Variants in HDAC9 observed in about 807,000 individuals in gnomAD.
HDAC9 encodes MEF-2 interacting transcription repressor (MITR) protein.
HDAC9 carries 41 observed loss-of-function variants against 139.4 expected under a neutral mutation model. That is an observed-to-expected ratio of 0.29 (90% confidence interval 0.23 to 0.38). The LOEUF is 0.38. HDAC9 is among the 10% of genes least tolerant of loss of function. HDAC9 has a pLI of 1.00. For synonymous variants in HDAC9, 517 were observed against 476.2 expected, an observed-to-expected ratio of 1.09 and a Z score of -1.12; for missense variants, 1,147 against 1,297.0, an observed-to-expected ratio of 0.88 and a Z score of 1.78.
At chr7:18,983,600 G>A (rs934943229) in intron 25 of HDAC9, among the ~76,000 whole-genome samples, 1 of 152,092 alleles carries the variant, frequency 6.6e-6, no homozygotes, top group East Asian at 1.9e-4. Flanking sequence ...AGATAGCTAA[G>A]ATAGCTAAAA....
At chr7:18,605,744 G>C (rs1178710228) in intron 6 of HDAC9, among the ~76,000 whole-genome samples, 1 of 151,978 alleles carries the variant, frequency 6.6e-6, no homozygotes, top group African/African-American at 2.4e-5. Flanking sequence ...GCAGTGGCAT[G>C]ATCTCGGCTC....
chr7:18,356,420 A>G (rs1783308804), intron 1 of HDAC9, among the ~76,000 whole-genome samples: 1 of 140,312 alleles, frequency 7.1e-6, no homozygotes, highest in African/African-American at 2.7e-5. Flanking sequence ...AAGCATCAAG[A>G]ATGCCCAGTT....
chr7:18,479,984 C>G (rs944891287), intron 1 of HDAC9, among the ~76,000 whole-genome samples: 6 of 116,172 alleles, frequency 5.2e-5, no homozygotes, highest in Admixed American at 8.6e-5. Context: ...TCCACTCTGT[C>G]TTTTTTTTTT....
rs190738355 is a variant in HDAC9 at position 18,556,488 on chromosome 7, C to T, written c.23-28793C>T. ...ATTGGAAGACAGTTAAATTCTTTTACGATAGCAGTATCCTATGTGATCAAA... is the reference window on the plus strand; with the variant it reads ...ATTGGAAGACAGTTAAATTCTTTTATGATAGCAGTATCCTATGTGATCAAA... On this transcript the variant is annotated intron_variant, in intron 2 of 25. Transcript: ENST00000686413. Among the ~76,000 whole-genome samples the T allele has an allele frequency of 1.4e-4, 21 of 152,116 alleles. No homozygotes were observed. In the South Asian group the frequency reaches 3.7e-3, roughly 27 times the overall value.
intron 1 of HDAC9, among the ~76,000 whole-genome samples, chr7:18,476,498 C>G (rs1795121454): frequency 6.6e-6 from 1 of 151,528 alleles, no homozygotes; most frequent in Non-Finnish European, 1.5e-5. Flanking sequence ...AGATCTGCCT[C>G]TAGGGGACTT....
At chr7:18,815,888 G>A (rs1011748064) in intron 17 of HDAC9, among the ~76,000 whole-genome samples, 2 of 152,192 alleles carry the variant, frequency 1.3e-5, no homozygotes, top group African/African-American at 2.4e-5. Context: ...GCATGTGAGA[G>A]ACAAATTTTC....
At chr7:18,935,725 T>C in intron 22 of HDAC9, 84 bp from the exon 23 acceptor site, 7 of 1,293,196 alleles carry the variant, frequency 5.4e-6, no homozygotes, top group South Asian at 1.3e-5. Flanking sequence ...AATGACTTAC[T>C]CAAAATACAT....
intron 17 of HDAC9, among the ~76,000 whole-genome samples, chr7:18,816,300 T>C (rs1161439224): frequency 6.6e-6 from 1 of 152,242 alleles, no homozygotes; most frequent in Non-Finnish European, 1.5e-5. Context: ...AACTTTCATA[T>C]TATTGTTGCC....
intron 1 of HDAC9, among the ~76,000 whole-genome samples, chr7:18,411,398 G>A (rs924684714): frequency 6.6e-6 from 1 of 151,882 alleles, no homozygotes; most frequent in Non-Finnish European, 1.5e-5. Flanking sequence ...TTTTTGAGAT[G>A]GAGTCTTGCT....
At chr7:18,452,002 C>T (rs1792915010) in intron 1 of HDAC9, among the ~76,000 whole-genome samples, 1 of 152,116 alleles carries the variant, frequency 6.6e-6, no homozygotes, top group South Asian at 2.1e-4. Flanking sequence ...GAACCTAAAA[C>T]AGATACTTCA....
intron 2 of HDAC9, among the ~76,000 whole-genome samples, chr7:18,250,245 A>G (rs1193219484): frequency 1.3e-5 from 2 of 152,382 alleles, no homozygotes; most frequent in African/African-American, 4.8e-5. Flanking sequence ...TAGAGGCAAC[A>G]TCTAAAACAA....
At chr7:18,171,847 C>T (rs893069407) in intron 2 of HDAC9, among the ~76,000 whole-genome samples, 3 of 152,140 alleles carry the variant, frequency 2.0e-5, no homozygotes, top group South Asian at 2.1e-4. Flanking sequence ...ATTTGGTTTG[C>T]CAGTATTTTG....
intron 12 of HDAC9, among the ~76,000 whole-genome samples, chr7:18,687,402 G>A (rs1782351141): frequency 6.6e-6 from 1 of 151,782 alleles, no homozygotes; most frequent in Admixed American, 6.6e-5. Flanking sequence ...ATTCAAAGGT[G>A]TATGATATAA....
In HDAC9 at chr7:18,727,717, C is replaced by T. The variant is rs1785667584; in HGVS notation, c.1869C>T (p.His623=). Residue 623 remains histidine, a synonymous_variant, in exon 13 of 26, where the codon CAC becomes CAT. Coordinates refer to ENST00000686413, the MANE Select transcript of HDAC9 (RefSeq NM_178425.4). ...CCCCTGCTGCCTCTGTTTTACCTCA[C>T]CCAGCAATGGACCGCCCCCTCCAGC... ...HSSPAASVLP[H]PAMDRPLQPG... is the part of the protein sequence containing the mutation. The T allele has an allele frequency of 6.4e-7, 1 of 1,574,730 alleles. No homozygotes were observed. The highest frequency in any genetic ancestry group is 8.6e-7 in the Non-Finnish European group (1 of 1,165,740).
intron 1 of HDAC9, among the ~76,000 whole-genome samples, chr7:18,379,249 T>G (rs1473217190): frequency 1.3e-5 from 2 of 152,220 alleles, no homozygotes; most frequent in Non-Finnish European, 2.9e-5. Flanking sequence ...AAGTATAGAT[T>G]AAAATCGTAA....
At chr7:18,811,266 C>G (rs1273448874) in intron 17 of HDAC9, among the ~76,000 whole-genome samples, 1 of 151,190 alleles carries the variant, frequency 6.6e-6, no homozygotes, top group Non-Finnish European at 1.5e-5. Flanking sequence ...ATTATTATTT[C>G]TCTTTTTTCT....
chr7:18,436,593 CTT>C (rs1419497924), intron 1 of HDAC9, among the ~76,000 whole-genome samples: 1 of 152,198 alleles, frequency 6.6e-6, no homozygotes, highest in African/African-American at 2.4e-5. Context: ...AATTTAACGT[CTT>C]TGCACGGGAA....
intron 15 of HDAC9, among the ~76,000 whole-genome samples, chr7:18,766,500 T>C (rs931264893): frequency 7.9e-5 from 12 of 152,228 alleles, no homozygotes; most frequent in African/African-American, 2.7e-4. Flanking sequence ...TTATTTTTCA[T>C]AGTGTACTGT....
intron 21 of HDAC9, among the ~76,000 whole-genome samples, chr7:18,861,936 T>C (rs1798140415): frequency 1.3e-5 from 2 of 152,230 alleles, no homozygotes; most frequent in Admixed American, 6.5e-5. Context: ...AGCTTCCTTA[T>C]TCTCATCAAT....
Sources: allele counts gnomAD v4.1 joint callset (sites outside exome capture counted in the v4.1 genomes callset), GRCh38; gene constraint gnomAD v4.1.1; transcripts MANE v1.5; gene names NCBI Gene and HGNC (gene_info 2026-07-23, HGNC 2026-07-21).